CCDC144A: variants seen among roughly 807,000 people sequenced by gnomAD.
CCDC144A encodes coiled-coil domain containing 144A.
CCDC144A carries 41 observed loss-of-function variants against 143.8 expected under a neutral mutation model. The ratio of observed to expected loss-of-function variants is 0.29; its 90% CI spans 0.22 to 0.37. The LOEUF (loss-of-function observed/expected upper bound fraction) is 0.37. Among genes scored for constraint, CCDC144A ranks in the 10% least tolerant of loss-of-function variants. The pLI, the probability that CCDC144A is intolerant of heterozygous loss-of-function variation, is 1.00. For synonymous variants in CCDC144A, 242 were observed against 517.9 expected, an observed-to-expected ratio of 0.47 and a Z score of 7.23; for missense variants, 637 against 1,488.8, an observed-to-expected ratio of 0.43 and a Z score of 9.41.
intron 15 of CCDC144A, among the ~76,000 whole-genome samples, chr17:16,770,835 A>G (rs1317823895): frequency 1.3e-5 from 2 of 151,864 alleles, no homozygotes; most frequent in Non-Finnish European, 2.9e-5. Flanking sequence ...TCTGTGGGAC[A>G]TAGCTTGAAA....
chr17:16,690,802 G>A (rs1016750942), intron 1 of CCDC144A, 58 bp downstream of exon 1: 8 of 1,523,426 alleles, frequency 5.3e-6, no homozygotes, highest in African/African-American at 1.4e-5. Flanking sequence ...TCTGGTGCCC[G>A]CAGGCCCCAC....
intron 6 of CCDC144A, among the ~76,000 whole-genome samples, chr17:16,718,832 G>GTT (rs71355519): frequency 2.3e-4 from 24 of 105,752 alleles, no homozygotes; most frequent in African/African-American, 8.7e-4. Context: ...ATTATAAAGT[G>GTT]TTTTTTTTTT....
At chr17:16,674,495 G>A in the CCDC144A span, among the ~76,000 whole-genome samples, 1 of 151,456 alleles carries the variant, frequency 6.6e-6, no homozygotes, top group Non-Finnish European at 1.5e-5. Context: ...AGCCTTGTTA[G>A]CACCACTGCA....
At chr17:16,757,555 A>T (rs1915153291) in intron 12 of CCDC144A, among the ~76,000 whole-genome samples, 3 of 152,228 alleles carry the variant, frequency 2.0e-5, no homozygotes, top group African/African-American at 4.8e-5. Flanking sequence ...GATAGCAACA[A>T]TAGCAGCAGC....
intron 12 of CCDC144A, among the ~76,000 whole-genome samples, chr17:16,755,503 A>G (rs1181183074): frequency 3.3e-5 from 5 of 152,134 alleles, no homozygotes; most frequent in Admixed American, 6.5e-5. Context: ...GGATCAGTCT[A>G]GTGGTGATGC....
chr17:16,703,914 G>A (rs1334361524), intron 2 of CCDC144A, among the ~76,000 whole-genome samples: 1 of 152,162 alleles, frequency 6.6e-6, no homozygotes, highest in Non-Finnish European at 1.5e-5. Context: ...GACACACCAT[G>A]TCTATGAAAA....
chr17:16,707,465 G>A lies in CCDC144A; in HGVS notation c.665-4G>A, dbSNP rs1178413334. ...TAGTTTAACTGAATGTTTGGATTTTGCAGCAGAACAAGACTCGGAGCTGAC... is the reference window on the plus strand; with the variant it reads ...TAGTTTAACTGAATGTTTGGATTTTACAGCAGAACAAGACTCGGAGCTGAC... On this transcript the variant is annotated splice_polypyrimidine_tract_variant and splice_region_variant and intron_variant, in intron 3 of 16. Coordinates refer to ENST00000399273, the MANE Select transcript of CCDC144A (RefSeq NM_001382000.1). 6.3e-7 allele frequency: 1 copy of A among 1,599,938 alleles called. No homozygotes were observed. The highest frequency in any genetic ancestry group is 2.2e-5 in the East Asian group (1 of 44,584).
intron 12 of CCDC144A, among the ~76,000 whole-genome samples, chr17:16,760,055 T>C (rs1244452568): frequency 1.3e-5 from 2 of 152,356 alleles, no homozygotes; most frequent in East Asian, 1.9e-4. Flanking sequence ...CCTACCTACA[T>C]GAGGGTTCAT....
chr17:16,771,679 A>G (rs536659049), intron 15 of CCDC144A, among the ~76,000 whole-genome samples: 1 of 152,368 alleles, frequency 6.6e-6, no homozygotes, highest in East Asian at 1.9e-4. Context: ...TATGACTTGA[A>G]TTGTGTAACC....
intron 12 of CCDC144A, among the ~76,000 whole-genome samples, chr17:16,756,969 G>A (rs1488096254): frequency 3.3e-5 from 5 of 152,388 alleles, no homozygotes; most frequent in African/African-American, 1.2e-4. Flanking sequence ...GGCCTTGATG[G>A]TGATGGGGAG....
rs1444687509 is a variant in CCDC144A at position 16,774,324 on chromosome 17, A to G, written c.*691A>G. On this transcript the variant is annotated 3_prime_UTR_variant, in exon 17 of 17. Transcript: ENST00000399273. ...ACAAGTCAGGACATTTTATATAACT[A>G]CTTCATAATCGGAAAGTTAACATCA... 1 of 146,978 alleles carries G rather than the reference A, an allele frequency of 6.8e-6. No homozygotes were observed. The highest frequency in any genetic ancestry group is 2.6e-5 in the African/African-American group (1 of 37,744). The allele number at this position is 146,978 out of a possible 1,614,324, so 9.1% of individuals were successfully genotyped here. A position where few individuals can be genotyped will look rare whatever the true frequency, so the allele number is the denominator to read the frequency against.
chr17:16,721,000 G>T (rs1262819533), intron 8 of CCDC144A, among the ~76,000 whole-genome samples: 1 of 152,136 alleles, frequency 6.6e-6, no homozygotes, highest in Non-Finnish European at 1.5e-5. Flanking sequence ...GGTCTAGTCT[G>T]CAATCATAAT....
chr17:16,682,354 G>A, the CCDC144A span, among the ~76,000 whole-genome samples: 1 of 151,916 alleles, frequency 6.6e-6, no homozygotes, highest in Non-Finnish European at 1.5e-5. Flanking sequence ...CCATTAAACA[G>A]ATAGGGGAAG....
intron 1 of CCDC144A, among the ~76,000 whole-genome samples, chr17:16,692,527 A>G (rs1216693437): frequency 1.6e-5 from 2 of 122,080 alleles, no homozygotes; most frequent in Non-Finnish European, 3.4e-5. Flanking sequence ...TTCCAAAACC[A>G]TTTCCTCAAT....
intron 8 of CCDC144A, among the ~76,000 whole-genome samples, chr17:16,726,664 T>C (rs1352099608): frequency 2.0e-5 from 3 of 152,034 alleles, no homozygotes; most frequent in Non-Finnish European, 4.4e-5. Flanking sequence ...CAGTGTTTTT[T>C]AGATGTTTTT....
Position 16,709,415 on chromosome 17 carries a change from A to T in CCDC144A, c.1358A>T (p.Asn453Ile). ...GAGTTTGATTTGCAAATGACAAAAAATATGAACCAAAATAGTGACAGTGGC... is the reference window on the plus strand; with the variant it reads ...GAGTTTGATTTGCAAATGACAAAAATTATGAACCAAAATAGTGACAGTGGC... ...DQEFDLQMTK[N>I]MNQNSDSGST... The change falls in exon 5 of 17, where the codon AAT becomes ATT. Residue 453 changes from asparagine to isoleucine, a missense_variant. Asn to Ile is a moderately radical substitution (Grantham distance 149, BLOSUM62 -3). Transcript: ENST00000399273. 1 of 1,611,712 alleles carries T rather than the reference A, an allele frequency of 6.2e-7. No individual in the cohort carries two copies. Among genetic ancestry groups the T allele is most frequent in the East Asian group, 2.2e-5 (1 of 44,848 alleles).
At chr17:16,687,603 C>G (rs1365572179), upstream of CCDC144A, among the ~76,000 whole-genome samples, 1 of 152,156 alleles carries the variant, frequency 6.6e-6, no homozygotes, top group African/African-American at 2.4e-5. Flanking sequence ...ATTACGGAGA[C>G]TCCCTTAGTC....
At chr17:16,766,868 G>T (rs1915620142) in intron 15 of CCDC144A, among the ~76,000 whole-genome samples, 1 of 152,052 alleles carries the variant, frequency 6.6e-6, no homozygotes, top group South Asian at 2.1e-4. Context: ...AGTATTTCTA[G>T]ATAAGTAGAA....
chr17:16,714,643 GTT>G (rs796689053), intron 6 of CCDC144A, among the ~76,000 whole-genome samples: 2 of 144,978 alleles, frequency 1.4e-5, no homozygotes, highest in South Asian at 2.2e-4. Context: ...TAATTGGTCT[GTT>G]TTTTTTTTTT....
Sources: gnomAD v4.1 joint callset for allele counts (sites outside exome capture counted in the v4.1 genomes callset) on GRCh38, gnomAD v4.1.1 for gene constraint, MANE v1.5 for transcripts, NCBI Gene and HGNC (gene_info 2026-07-23, HGNC 2026-07-21) for gene names.